The following EVI5L variants were observed in gnomAD, a reference collection of about 807,000 sequenced individuals.
EVI5L encodes ecotropic viral integration site 5 like.
EVI5L carries 30 observed loss-of-function variants against 106.1 expected under a neutral mutation model. The observed-to-expected ratio is 0.28, with a 90% CI of 0.21 to 0.38. The LOEUF (loss-of-function observed/expected upper bound fraction) is 0.38, where lower values mean the gene tolerates loss of function less well. Ranked by LOEUF, EVI5L falls within the 10% of genes least tolerant of loss-of-function variation. The pLI, the probability that EVI5L is intolerant of heterozygous loss-of-function variation, is 1.00. For synonymous variants in EVI5L, 489 were observed against 483.3 expected (o/e 1.01, Z -0.15); for missense variants, 809 against 1,098.0 (o/e 0.74, Z 3.72).
intron 1 of EVI5L, among the ~76,000 whole-genome samples, chr19:7,843,145 T>C (rs1978735375): frequency 6.7e-6 from 1 of 148,282 alleles, no homozygotes; most frequent in South Asian, 2.1e-4. Context: ...TGTATAGGTG[T>C]GTGAGCGAAT....
rs1285902189 is a variant in EVI5L at position 7,863,171 on chromosome 19, G to T, written c.2044-14G>T. 3.2e-6 allele frequency: 5 copies of T among 1,551,522 alleles called. No individual in the cohort carries two copies. In the African/African-American group the frequency reaches 6.8e-5, roughly 21 times the overall value. On this transcript the variant is annotated splice_polypyrimidine_tract_variant and intron_variant, in intron 18 of 19. Coordinates refer to ENST00000538904, the MANE Select transcript of EVI5L (RefSeq NM_001159944.3). This position sits in a 1 kb window ranked among gnomAD's most constrained non-coding sequence, Gnocchi z 7.7. ...GCATGGCACTGGCCCCGCGTGACCT[G>T]GCGCACCCCGCAGAGGGAGGAAGGC...
chr19:7,832,268 C>T (rs1216722480), intron 1 of EVI5L, among the ~76,000 whole-genome samples: 2 of 152,170 alleles, frequency 1.3e-5, no homozygotes, highest in Admixed American at 6.5e-5. Flanking sequence ...GATGCTGGCG[C>T]GACACTGTGG....
In EVI5L at chr19:7,835,764, A is replaced by G. The variant is rs652710; in HGVS notation, c.-48+5383A>G. Among the ~76,000 whole-genome samples the G allele has an allele frequency of 6.6e-6, 1 of 152,068 alleles. No individual in the cohort carries two copies. Among genetic ancestry groups the G allele is most frequent in the Non-Finnish European group, 1.5e-5 (1 of 68,016 alleles). ...GCTCACCTGTCAGTTGTCCGCCCAC[A>G]CCTTGCCAAGGACGAGAGGACCTAA... On this transcript the variant is annotated intron_variant, in intron 1 of 19. Coordinates refer to ENST00000538904, the MANE Select transcript of EVI5L (RefSeq NM_001159944.3). The surrounding 1 kb of genome is among the most constrained non-coding windows in gnomAD (Gnocchi z 4.1).
chr19:7,859,444 C>T (rs989583414), intron 13 of EVI5L, among the ~76,000 whole-genome samples: 1 of 152,224 alleles, frequency 6.6e-6, no homozygotes. Flanking sequence ...GTGCCCCCTC[C>T]GCCCCCAGGC....
At position 7,830,398 on chromosome 19, in the gene EVI5L, C is replaced by A. The variant is rs2146406049; in HGVS notation, c.-48+17C>A. 6.6e-6 allele frequency: 1 copy of A among 151,322 alleles called. No individual in the cohort carries two copies. The highest frequency in any genetic ancestry group is 6.6e-5 in the Admixed American group (1 of 15,192). 9.4% of individuals were successfully genotyped at this position (151,322 alleles called of 1,614,324 possible). ...TCGGCGCAGGTAGGGCGGCGCGGGC[C>A]GGGCCTCCCGGGCGCCTGCTCAGGC... is the stretch of plus-strand genomic sequence containing the variant. On this transcript the variant is annotated intron_variant, in intron 1 of 19. Transcript: ENST00000538904.
chr19:7,856,977 A>G lies in EVI5L; in HGVS notation c.1201-115A>G. The G allele has an allele frequency of 6.1e-6, 6 of 989,940 alleles. No homozygotes were observed. The highest frequency in any genetic ancestry group is 9.4e-6 in the Non-Finnish European group (6 of 640,792). The allele number at this position is 989,940 out of a possible 1,614,324, so 61.3% of individuals were successfully genotyped here. ...CTTCCCTCCTCTCTCCCCCGCTTCT[A>G]GAGATAGTCCACTGCGTTAGTGACA... is the stretch of plus-strand genomic sequence containing the variant. On this transcript the variant is annotated intron_variant, in intron 11 of 19. Coordinates refer to ENST00000538904, the MANE Select transcript of EVI5L (RefSeq NM_001159944.3). This position sits in a 1 kb window ranked among gnomAD's most constrained non-coding sequence, Gnocchi z 6.6.
rs1183342035 is a variant in EVI5L at position 7,850,087 on chromosome 19, G to A, written c.718G>A (p.Gly240Arg). ...CTTCAAACCCAGCATGGCCGAGCTC[G>A]GGCTCTGCATCTATCAGTTCGAGTA... ...ELFKPSMAEL[G>R]LCIYQFEYML... The change falls in exon 6 of 20, where the codon GGG becomes AGG. Residue 240 changes from glycine to arginine, a missense_variant. By Grantham distance (125) the Gly-to-Arg change is moderately radical (BLOSUM62 -2). Coordinates refer to ENST00000538904, the MANE Select transcript of EVI5L (RefSeq NM_001159944.3). The surrounding 1 kb of genome is among the most constrained non-coding windows in gnomAD (Gnocchi z 5.4). 1.2e-6 allele frequency: 2 copies of A among 1,605,174 alleles called. No individual in the cohort carries two copies.
At chr19:7,837,730 C>A (rs1157067891) in intron 1 of EVI5L, among the ~76,000 whole-genome samples, 1 of 151,260 alleles carries the variant, frequency 6.6e-6, no homozygotes, top group East Asian at 2.0e-4. Context: ...GATGGAGTTT[C>A]GCTCTTGTTG....
In EVI5L at chr19:7,863,075, G is replaced by GCGGGGC; in HGVS notation, c.2043+14_2043+19dup. On this transcript the variant is annotated intron_variant, in intron 18 of 19. Coordinates refer to ENST00000538904, the MANE Select transcript of EVI5L (RefSeq NM_001159944.3). The surrounding 1 kb of genome is among the most constrained non-coding windows in gnomAD (Gnocchi z 7.7). ...GCCGAGCTGGAGATCCAGGTGATCG[G>GCGGGGC]CGGGGCCGGGGTCGGGGGGCGGGGG... 2 of 1,518,586 alleles carry GCGGGGC rather than the reference G, an allele frequency of 1.3e-6. No individual in the cohort carries two copies. Among genetic ancestry groups the GCGGGGC allele is most frequent in the Non-Finnish European group, 1.8e-6 (2 of 1,132,718 alleles). The allele number at this position is 1,518,586 out of a possible 1,614,324, so 94.1% of individuals were successfully genotyped here. A position where few individuals can be genotyped will look rare whatever the true frequency, so the allele number is the denominator to read the frequency against.
Position 7,851,843 on chromosome 19 carries a change from G to A in EVI5L, c.987+73G>A, listed in dbSNP as rs551116477. 2.7e-5 allele frequency: 37 copies of A among 1,351,876 alleles called. No homozygotes were observed. In the South Asian group the frequency reaches 3.8e-4, roughly 14 times the overall value. 83.7% of individuals were successfully genotyped at this position (1,351,876 alleles called of 1,614,324 possible). On this transcript the variant is annotated intron_variant, in intron 8 of 19. Transcript: ENST00000538904. ...TTCGAGTCACAGGATGCCCTCACAA[G>A]TGACAGAGAGGGCCCGGCTTCGAGG...
chr19:7,846,504 G>T lies in EVI5L; in HGVS notation c.-39G>T. ...ATGTCTCTGGCCCCCAGACAGAGCT[G>T]TGAACCAACCCCGCTCACGGCTAAC... On this transcript the variant is annotated 5_prime_UTR_variant, in exon 2 of 20. Coordinates refer to ENST00000538904, the MANE Select transcript of EVI5L (RefSeq NM_001159944.3). The T allele has an allele frequency of 6.3e-7, 1 of 1,583,944 alleles. No individual in the cohort carries two copies. The highest frequency in any genetic ancestry group is 1.4e-5 in the African/African-American group (1 of 73,686).
chr19:7,854,768 C>T (rs185771101), intron 10 of EVI5L, among the ~76,000 whole-genome samples: 121 of 152,298 alleles, frequency 7.9e-4, no homozygotes, highest in African/African-American at 2.8e-3. Context: ...ATAGCTCTGA[C>T]CCAGCTGAAC....
At position 7,863,557 on chromosome 19, in the gene EVI5L, C is replaced by G. The variant is rs889492229; in HGVS notation, c.2273C>G (p.Ala758Gly). The change falls in exon 20 of 20, where the codon GCC (alanine) becomes GGC (glycine). Residue 758 changes from alanine to glycine, a missense_variant. Physicochemically the swap from Ala to Gly is moderately conservative, Grantham distance 60. This residue lies in a region of EVI5L where 452 missense variants were observed against 509.9 expected (regional missense o/e 0.89). Transcript: ENST00000538904. The surrounding 1 kb of genome is among the most constrained non-coding windows in gnomAD (Gnocchi z 7.7). ...EELLGVGVGA[A>G]LQDALYPLSP... The stretch of plus-strand genomic sequence containing the variant: ...CTACTTGGCGTAGGCGTGGGCGCTG[C>G]CCTGCAGGACGCATTGTACCCTCTG... The G allele has an allele frequency of 6.3e-7, 1 of 1,599,722 alleles. No homozygotes were observed. Among genetic ancestry groups the G allele is most frequent in the Admixed American group, 1.7e-5 (1 of 58,732 alleles).
chr19:7,846,670 A>G lies in EVI5L; in HGVS notation c.128A>G (p.Glu43Gly). ...CTGGAGCTGCTGGCCAAGCTCGAAG[A>G]GCAGAACCGGTGAGTTGGGGGCTGG... Reference protein sequence around the residue: ...DELELLAKLEEQNRLLEADSK... With the variant: ...DELELLAKLEGQNRLLEADSK... The change falls in exon 2 of 20, where the codon GAG (glutamate) becomes GGG (glycine). Residue 43 changes from glutamate (E) to glycine (G), a missense_variant. Glu to Gly is a moderately conservative substitution (Grantham distance 98, BLOSUM62 -2). Coordinates refer to ENST00000538904, the MANE Select transcript of EVI5L (RefSeq NM_001159944.3). 6.2e-7 allele frequency: 1 copy of G among 1,612,566 alleles called. No individual in the cohort carries two copies. The highest frequency in any genetic ancestry group is 8.5e-7 in the Non-Finnish European group (1 of 1,179,522).
intron 4 of EVI5L, 44 bp from the exon 5 acceptor site, chr19:7,849,212 T>A (rs756882472): frequency 6.2e-7 from 1 of 1,613,572 alleles, no homozygotes; most frequent in Non-Finnish European, 8.5e-7. Context: ...TCACCGGCTG[T>A]GCTGGACGGC....
In EVI5L at chr19:7,858,890, A is replaced by C. The variant is rs552163; in HGVS notation, c.1374+559A>C. ...CACCCCAAGATTTTCTTCTCCTGAA[A>C]GCTTTTAGAACTTAACTGCGACCTG... On this transcript the variant is annotated intron_variant, in intron 13 of 19. Transcript: ENST00000538904. The surrounding 1 kb of genome is among the most constrained non-coding windows in gnomAD (Gnocchi z 5.7). 0.29 allele frequency: 43,670 copies of C among 152,688 alleles called. 6,558 individuals carry two copies. The highest frequency in any genetic ancestry group is 0.37 in the African/African-American group (15,376 of 41,506). The allele number at this position is 152,688 out of a possible 1,614,324, so 9.5% of individuals were successfully genotyped here.
At chr19:7,837,856 A>C (rs1018048202) in intron 1 of EVI5L, among the ~76,000 whole-genome samples, 1 of 151,868 alleles carries the variant, frequency 6.6e-6, no homozygotes, top group Non-Finnish European at 1.5e-5. Flanking sequence ...GGCATGTGCC[A>C]CCACGCCCGG....
At chr19:7,853,061 C>G in intron 8 of EVI5L, 25 bp from the exon 9 acceptor site, 1 of 1,612,934 alleles carries the variant, frequency 6.2e-7, no homozygotes, top group Non-Finnish European at 8.5e-7. Flanking sequence ...TGTTGGTGAC[C>G]AGGTGACCGG....
In EVI5L at chr19:7,833,590, G is replaced by A. The variant is rs190408171; in HGVS notation, c.-48+3209G>A. On this transcript the variant is annotated intron_variant, in intron 1 of 19. Transcript: ENST00000538904. ...CGTATGGACCAGGTCACAGGCAGGC[G>A]TGGCAGGGAAGGGTGTTCCAGGCAG... Among the ~76,000 whole-genome samples the A allele has an allele frequency of 7.2e-5, 11 of 152,366 alleles. No individual in the cohort carries two copies. The East Asian group carries it at 1.7e-3, about 24-fold the overall frequency.
Sources: gnomAD v4.1 joint callset for allele counts (sites outside exome capture counted in the v4.1 genomes callset) on GRCh38, gnomAD v4.1.1 for gene constraint, gnomAD v4.1.1 regional missense constraint, Gnocchi (gnomAD v3.1) non-coding constraint, MANE v1.5 for transcripts, NCBI Gene and HGNC (gene_info 2026-07-23, HGNC 2026-07-21) for gene names.